CDYL2: variants seen among roughly 807,000 people sequenced by gnomAD.
CDYL2 encodes chromodomain Y-like protein 2.
CDYL2 carries 23 observed loss-of-function variants against 49.4 expected under a neutral mutation model. The observed-to-expected ratio is 0.47, with a 90% CI of 0.34 to 0.66. The LOEUF is 0.66. Ranked by LOEUF, CDYL2 falls within the 30% of genes least tolerant of loss-of-function variation. CDYL2 has a pLI of 0.01. For missense variants in CDYL2, 678 were observed against 656.4 expected (o/e 1.03, Z -0.36); for synonymous variants, 360 against 268.8 (o/e 1.34, Z -3.32).
intron 2 of CDYL2, among the ~76,000 whole-genome samples, chr16:80,652,029 A>C (rs960785368): frequency 6.6e-6 from 1 of 152,244 alleles, no homozygotes; most frequent in African/African-American, 2.4e-5. Flanking sequence ...AGATGGCTGC[A>C]TACAGAAATA....
intron 1 of CDYL2, among the ~76,000 whole-genome samples, chr16:80,747,454 C>A (rs377433486): frequency 6.6e-6 from 1 of 152,112 alleles, no homozygotes; most frequent in Non-Finnish European, 1.5e-5. Flanking sequence ...GACACAAGGC[C>A]GGGACCTATC....
At chr16:80,757,165 T>A (rs577735151) in intron 1 of CDYL2, among the ~76,000 whole-genome samples, 11 of 152,310 alleles carry the variant, frequency 7.2e-5, no homozygotes, top group Non-Finnish European at 1.3e-4. Flanking sequence ...TAGGATACAA[T>A]TGAAGTTAAA....
rs78053933 is a variant in CDYL2, at chr16:80,771,069, G to C, written c.24+33081C>G. Among the ~76,000 whole-genome samples, 989 of 152,270 alleles carry C rather than the reference G, an allele frequency of 6.5e-3. 18 individuals are homozygous for C. The highest frequency in any genetic ancestry group is 0.022 in the African/African-American group (919 of 41,548). ...CCAAACTCATAAAGACCATTTCCTA[G>C]TTTTGATTCATCTGAACTCCCCAGA... On this transcript the variant is annotated intron_variant, in intron 1 of 6. Transcript: ENST00000570137.
intron 2 of CDYL2, among the ~76,000 whole-genome samples, chr16:80,653,436 G>T (rs927034781): frequency 1.3e-5 from 2 of 152,188 alleles, no homozygotes; most frequent in Non-Finnish European, 2.9e-5. Context: ...TTGCACTCCA[G>T]CCTGGGCAAC....
chr16:80,777,472 T>C (rs1308704980), intron 1 of CDYL2, among the ~76,000 whole-genome samples: 3 of 152,022 alleles, frequency 2.0e-5, no homozygotes, highest in African/African-American at 7.2e-5. Context: ...GACAAGCTTC[T>C]GGCAACACAA....
chr16:80,717,905 G>T (rs767279367), intron 1 of CDYL2, among the ~76,000 whole-genome samples: 3 of 152,208 alleles, frequency 2.0e-5, no homozygotes, highest in Non-Finnish European at 4.4e-5. Context: ...CAAAAGTAGG[G>T]CACACTGAGC....
In CDYL2 at chr16:80,604,316, G is replaced by C; in HGVS notation, c.*72C>G. On this transcript the variant is annotated 3_prime_UTR_variant, in exon 7 of 7. Coordinates refer to ENST00000570137, the MANE Select transcript of CDYL2 (RefSeq NM_152342.4). ...ACACCTTGACAAACTCCTTGGCCGG[G>C]GCAGACACTGTGCTCTGGTTTCCGA... The C allele has an allele frequency of 6.5e-7, 1 of 1,546,578 alleles. No individual in the cohort carries two copies. Among genetic ancestry groups the C allele is most frequent in the Non-Finnish European group, 8.9e-7 (1 of 1,124,198 alleles).
chr16:80,728,509 T>C (rs191377405), intron 1 of CDYL2, among the ~76,000 whole-genome samples: 1 of 152,130 alleles, frequency 6.6e-6, no homozygotes, highest in African/African-American at 2.4e-5. Context: ...TGGAACCAAG[T>C]TGGAAAACAC....
intron 1 of CDYL2, among the ~76,000 whole-genome samples, chr16:80,715,876 C>T (rs186550252): frequency 2.6e-5 from 4 of 152,146 alleles, no homozygotes; most frequent in Admixed American, 6.5e-5. Flanking sequence ...TCCTTTCATT[C>T]CCCATCCCTC....
chr16:80,609,571 A>T (rs1906503071), intron 5 of CDYL2, among the ~76,000 whole-genome samples: 1 of 152,248 alleles, frequency 6.6e-6, no homozygotes, highest in South Asian at 2.1e-4. Context: ...AGAACACCTC[A>T]GTCAAATGAA....
intron 1 of CDYL2, among the ~76,000 whole-genome samples, chr16:80,777,620 T>A (rs1222566519): frequency 6.6e-6 from 1 of 152,082 alleles, no homozygotes; most frequent in Non-Finnish European, 1.5e-5. Flanking sequence ...AATAAAATGA[T>A]GTTCTTACTA....
chr16:80,697,735 C>G (rs1386908561), intron 1 of CDYL2, among the ~76,000 whole-genome samples: 1 of 151,816 alleles, frequency 6.6e-6, no homozygotes, highest in Non-Finnish European at 1.5e-5. Flanking sequence ...GATACAAAAT[C>G]AACAAAAAAG....
intron 3 of CDYL2, chr16:80,628,446 G>C (rs1403547350): frequency 6.6e-6 from 1 of 152,236 alleles, no homozygotes; most frequent in Non-Finnish European, 1.5e-5. Flanking sequence ...CACATGGCAG[G>C]AAACAGATGC....
At chr16:80,699,708 G>A (rs1390345635) in intron 1 of CDYL2, among the ~76,000 whole-genome samples, 1 of 152,108 alleles carries the variant, frequency 6.6e-6, no homozygotes, top group Non-Finnish European at 1.5e-5. Flanking sequence ...TGTTTGAAGG[G>A]ATGGATATGC....
At chr16:80,629,184 G>C (rs1328575920) in intron 3 of CDYL2, among the ~76,000 whole-genome samples, 1 of 152,118 alleles carries the variant, frequency 6.6e-6, no homozygotes, top group Non-Finnish European at 1.5e-5. Context: ...TGTGTATAAA[G>C]GGTTGACTTG....
intron 2 of CDYL2, among the ~76,000 whole-genome samples, chr16:80,641,836 A>G (rs942686506): frequency 6.6e-6 from 1 of 151,874 alleles, no homozygotes; most frequent in Non-Finnish European, 1.5e-5. Context: ...AACATGGCAC[A>G]TGTATACATA....
intron 2 of CDYL2, among the ~76,000 whole-genome samples, chr16:80,682,559 T>C (rs948972674): frequency 3.9e-5 from 6 of 152,168 alleles, no homozygotes; most frequent in Admixed American, 2.0e-4. Flanking sequence ...GCTTCTCTCC[T>C]TCACACTGCA....
intron 1 of CDYL2, among the ~76,000 whole-genome samples, chr16:80,739,127 G>A (rs975025985): frequency 4.6e-5 from 7 of 152,174 alleles, no homozygotes; most frequent in African/African-American, 1.4e-4. Flanking sequence ...CGCTGAGGAC[G>A]TCACGCTGAA....
At chr16:80,783,644 T>C (rs1907342474) in intron 1 of CDYL2, among the ~76,000 whole-genome samples, 1 of 152,136 alleles carries the variant, frequency 6.6e-6, no homozygotes, top group South Asian at 2.1e-4. Context: ...TACCACGAAA[T>C]ATTATTCAGC....
Sources: gnomAD v4.1 joint callset for allele counts (sites outside exome capture counted in the v4.1 genomes callset) on GRCh38, gnomAD v4.1.1 for gene constraint, MANE v1.5 for transcripts, NCBI Gene and HGNC (gene_info 2026-07-23, HGNC 2026-07-21) for gene names.